The following RBPJ variants were observed in gnomAD, a reference collection of about 807,000 sequenced individuals.
RBPJ encodes the protein recombining binding protein suppressor of hairless.
A neutral mutation model predicts 67.8 loss-of-function variants in RBPJ; 9 were observed. That is an observed-to-expected ratio of 0.13 (90% CI 0.08 to 0.23). RBPJ has a LOEUF of 0.23. Ranked by LOEUF, RBPJ falls within the 10% of genes least tolerant of loss-of-function variation. The pLI is 1.00. For synonymous variants in RBPJ, 198 were observed against 203.3 expected (o/e 0.97, Z 0.22); for missense variants, 305 against 595.6 (o/e 0.51, Z 5.08).
At chr4:26,315,616 A>G (rs1161013448), upstream of RBPJ, among the ~76,000 whole-genome samples, 2 of 152,118 alleles carry the variant, frequency 1.3e-5, no homozygotes, top group Non-Finnish European at 2.9e-5. Flanking sequence ...CATCTTAAAC[A>G]ACAGAAAACA....
chr4:26,131,138 G>A, the RBPJ span, among the ~76,000 whole-genome samples: 425 of 152,218 alleles, frequency 2.8e-3, 3 homozygotes, highest in African/African-American at 9.8e-3. Flanking sequence ...TTTACATATC[G>A]AGGCTCCCTG....
At chr4:26,189,227 A>T (rs1206497103) in intron 1 of RBPJ, among the ~76,000 whole-genome samples, 1 of 152,166 alleles carries the variant, frequency 6.6e-6, no homozygotes. Context: ...TATATTAAAA[A>T]CAAATCATAA....
rs56969605 is a variant in RBPJ, at chr4:26,358,784, TA to T, written c.21-27555del. Among the ~76,000 whole-genome samples, 150 of 147,136 alleles carry T rather than the reference TA, an allele frequency of 1.0e-3. 2 individuals are homozygous for T. Among genetic ancestry groups the T allele is most frequent in the Middle Eastern group, 3.4e-3 (1 of 290 alleles). Reference sequence around the variant, plus strand: ...GGTAACAAAGCAAGATCTTGTCTCTTAAAAAAAAAAAAAAGTCCATTCATTT... The same window carrying T: ...GGTAACAAAGCAAGATCTTGTCTCTTAAAAAAAAAAAAAGTCCATTCATTT... On this transcript the variant is annotated intron_variant, in intron 1 of 10. Coordinates refer to ENST00000355476, the MANE Select transcript of RBPJ (RefSeq NM_015874.6).
chr4:26,346,897 C>T (rs1353193435), intron 1 of RBPJ, among the ~76,000 whole-genome samples: 1 of 151,906 alleles, frequency 6.6e-6, no homozygotes, highest in East Asian at 1.9e-4. Flanking sequence ...GAGGCTGAAG[C>T]AGGAGAATCA....
At chr4:26,280,169 T>C (rs1424280546) in intron 1 of RBPJ, among the ~76,000 whole-genome samples, 5 of 151,450 alleles carry the variant, frequency 3.3e-5, no homozygotes, top group Middle Eastern at 3.4e-3. Context: ...CCGAGGTGGA[T>C]GGATCACTTG....
At chr4:26,310,756 G>A (rs13123863) in intron 1 of RBPJ, among the ~76,000 whole-genome samples, 62,112 of 147,614 alleles carry the variant, frequency 0.42, 15,430 homozygotes, top group Admixed American at 0.58. Context: ...TGCAACCTCC[G>A]CCTCCCGGGC....
intron 1 of RBPJ, among the ~76,000 whole-genome samples, chr4:26,227,695 G>T (rs1301491455): frequency 2.0e-5 from 3 of 152,164 alleles, no homozygotes; most frequent in Non-Finnish European, 4.4e-5. Flanking sequence ...CACCTCCTTT[G>T]GAGAACTCCC....
intron 1 of RBPJ, among the ~76,000 whole-genome samples, chr4:26,339,391 T>G (rs886590686): frequency 6.6e-6 from 1 of 152,130 alleles, no homozygotes; most frequent in Admixed American, 6.5e-5. Context: ...CCCAGCACTT[T>G]GGGAGGCCAA....
At position 26,308,290 on chromosome 4, in the gene RBPJ, G is replaced by A. The variant is rs776170097; in HGVS notation, c.-166-54156G>A. Among the ~76,000 whole-genome samples, 6 of 151,524 alleles carry A rather than the reference G, an allele frequency of 4.0e-5. No homozygotes were observed. The East Asian group carries it at 5.8e-4, about 15-fold the overall frequency. ...GACTCCATCTCAAAAAAAAAAAAGA[G>A]TTTCTCTAATGCATTTTACAAATGA... On this transcript the variant is annotated intron_variant, in intron 1 of 4. Transcript: ENST00000512351.
intron 1 of RBPJ, among the ~76,000 whole-genome samples, chr4:26,211,212 T>A (rs571746277): frequency 4.2e-4 from 64 of 152,144 alleles, no homozygotes; most frequent in Non-Finnish European, 8.1e-4. Flanking sequence ...ATATGTGTAG[T>A]AGCACTTTTC....
At chr4:26,260,791 A>G (rs751487535) in intron 1 of RBPJ, among the ~76,000 whole-genome samples, 29 of 152,076 alleles carry the variant, frequency 1.9e-4, no homozygotes, top group Non-Finnish European at 3.5e-4. Context: ...TCAAGGCCCC[A>G]CTCAAGTCTC....
In RBPJ at chr4:26,424,867, G is replaced by GT; in HGVS notation, c.747+126dup. On this transcript the variant is annotated intron_variant, in intron 7 of 10. Transcript: ENST00000355476. This position sits in a 1 kb window ranked among gnomAD's most constrained non-coding sequence, Gnocchi z 5.3. Reference sequence around the variant, plus strand: ...TATGCTTTTTAATTTTAAAAGGTATGTTAGTAATCAGTGCTGTTTATAATT... The same window carrying GT: ...TATGCTTTTTAATTTTAAAAGGTATGTTTAGTAATCAGTGCTGTTTATAATT... 3.2e-6 allele frequency: 2 copies of GT among 627,448 alleles called. No individual in the cohort carries two copies. The highest frequency in any genetic ancestry group is 5.6e-6 in the Non-Finnish European group (2 of 355,664). 38.9% of individuals were successfully genotyped at this position (627,448 alleles called of 1,614,324 possible).
chr4:26,344,301 T>C (rs555792594), intron 1 of RBPJ, among the ~76,000 whole-genome samples: 3 of 152,020 alleles, frequency 2.0e-5, no homozygotes, highest in South Asian at 2.1e-4. Flanking sequence ...GTGGCGTGAT[T>C]TCGGCTCACT....
intron 1 of RBPJ, among the ~76,000 whole-genome samples, chr4:26,211,116 C>T (rs1258176723): frequency 6.6e-6 from 1 of 152,036 alleles, no homozygotes; most frequent in African/African-American, 2.4e-5. Context: ...TACTTTGATC[C>T]ATGGAAATAG....
upstream of RBPJ, among the ~76,000 whole-genome samples, chr4:26,160,869 C>T (rs1283800934): frequency 6.6e-6 from 1 of 152,218 alleles, no homozygotes; most frequent in Non-Finnish European, 1.5e-5. Flanking sequence ...CACCCTGGTT[C>T]TCCCACAGTC....
chr4:26,109,475 T>TACACAC, the RBPJ span, among the ~76,000 whole-genome samples: 1,829 of 49,796 alleles, frequency 0.037, 260 homozygotes, highest in African/African-American at 0.086. Context: ...TATATATATA[T>TACACAC]ATATATATAT....
upstream of RBPJ, among the ~76,000 whole-genome samples, chr4:26,318,707 A>C (rs137867653): frequency 3.5e-3 from 540 of 152,242 alleles, 5 homozygotes; most frequent in East Asian, 0.035. Flanking sequence ...GAAAGAAAAC[A>C]ACCAATTGCT....
chr4:26,121,864 A>G, the RBPJ span, among the ~76,000 whole-genome samples: 2 of 138,384 alleles, frequency 1.4e-5, no homozygotes, highest in Non-Finnish European at 3.1e-5. Context: ...GCTTGGAGTG[A>G]GTATCTCTCT....
At chr4:26,308,223 C>T (rs1172186346) in intron 1 of RBPJ, among the ~76,000 whole-genome samples, 3 of 152,090 alleles carry the variant, frequency 2.0e-5, no homozygotes, top group Non-Finnish European at 4.4e-5. Context: ...TTGCAGTGAG[C>T]CGAGATCGGG....
Sources: gnomAD v4.1 joint callset for allele counts (sites outside exome capture counted in the v4.1 genomes callset) on GRCh38, gnomAD v4.1.1 for gene constraint, Gnocchi (gnomAD v3.1) non-coding constraint, MANE v1.5 for transcripts, NCBI Gene and HGNC (gene_info 2026-07-23, HGNC 2026-07-21) for gene names.